SAXO1: variants seen among roughly 807,000 people sequenced by gnomAD.
SAXO1 encodes stabilizer of axonemal microtubules 1.
SAXO1 carries 21 observed loss-of-function variants against 17.5 expected under a neutral mutation model. The observed-to-expected ratio is 1.20, with a 90% CI of 0.85 to 1.72. The LOEUF (loss-of-function observed/expected upper bound fraction) is 1.72. Among genes scored for constraint, SAXO1 ranks in the 40% most tolerant of loss-of-function variants. SAXO1 has a pLI of 0.00. For synonymous variants in SAXO1, 274 were observed against 216.5 expected (o/e 1.27, Z -2.33); for missense variants, 843 against 596.0 (o/e 1.41, Z -4.32).
At chr9:19,023,672 ATATCT>A (rs533355859) in intron 1 of SAXO1, among the ~76,000 whole-genome samples, 93 of 152,330 alleles carry the variant, frequency 6.1e-4, no homozygotes, top group Admixed American at 2.0e-3. Context: ...TGGAGATAAT[ATATCT>A]TTAAGGAAAT....
intron 1 of SAXO1, among the ~76,000 whole-genome samples, chr9:18,980,045 G>T (rs1162023699): frequency 6.6e-6 from 1 of 151,872 alleles, no homozygotes; most frequent in Non-Finnish European, 1.5e-5. Context: ...GGGGTGTTTA[G>T]AAAAGGGAGT....
chr9:19,020,337 C>T (rs1023511931), intron 1 of SAXO1, among the ~76,000 whole-genome samples: 2 of 139,396 alleles, frequency 1.4e-5, no homozygotes, highest in African/African-American at 5.0e-5. Context: ...TTCAGCCTGT[C>T]GAAATAATTT....
At chr9:18,957,731 G>T (rs1197080758) in intron 1 of SAXO1, among the ~76,000 whole-genome samples, 3 of 152,026 alleles carry the variant, frequency 2.0e-5, no homozygotes, top group Non-Finnish European at 2.9e-5. Context: ...GATACTACAG[G>T]CAAGGCCTTC....
chr9:19,020,296 G>C (rs1169556203), intron 1 of SAXO1, among the ~76,000 whole-genome samples: 1 of 151,844 alleles, frequency 6.6e-6, no homozygotes, highest in Non-Finnish European at 1.5e-5. Flanking sequence ...GCTTACTCTT[G>C]CTAAGTTCCA....
At chr9:18,975,625 G>C (rs1227099345) in intron 1 of SAXO1, among the ~76,000 whole-genome samples, 1 of 152,216 alleles carries the variant, frequency 6.6e-6, no homozygotes. Flanking sequence ...ATAGTGACTA[G>C]TGAGAAGGCC....
chr9:18,951,925 G>A (rs1025219286), intron 1 of SAXO1, among the ~76,000 whole-genome samples: 2 of 152,216 alleles, frequency 1.3e-5, no homozygotes, highest in Non-Finnish European at 2.9e-5. Context: ...TTTATTGAAT[G>A]AAAGACTGAG....
intron 1 of SAXO1, among the ~76,000 whole-genome samples, chr9:19,011,989 G>C: frequency 6.6e-6 from 1 of 151,914 alleles, no homozygotes; most frequent in East Asian, 1.9e-4. Flanking sequence ...GGGACTACAG[G>C]CGCAGGTCAC....
At chr9:18,955,506 C>T (rs543708707) in intron 1 of SAXO1, among the ~76,000 whole-genome samples, 49 of 152,112 alleles carry the variant, frequency 3.2e-4, no homozygotes, top group Non-Finnish European at 5.7e-4. Context: ...CACTTGGGTA[C>T]TGGAAGTTTA....
At chr9:18,962,464 T>C (rs1284420727) in intron 1 of SAXO1, among the ~76,000 whole-genome samples, 1 of 152,210 alleles carries the variant, frequency 6.6e-6, no homozygotes, top group Non-Finnish European at 1.5e-5. Context: ...AAGTGTCTGT[T>C]CACATCATTC....
intron 3 of SAXO1, among the ~76,000 whole-genome samples, chr9:18,940,190 TGTC>T (rs1021037612): frequency 6.6e-6 from 1 of 152,114 alleles, no homozygotes; most frequent in Non-Finnish European, 1.5e-5. Flanking sequence ...GGCCAAGGAC[TGTC>T]GTGGTGGGAG....
At chr9:19,015,934 A>C (rs1341532971) in intron 1 of SAXO1, among the ~76,000 whole-genome samples, 1 of 152,148 alleles carries the variant, frequency 6.6e-6, no homozygotes, top group Non-Finnish European at 1.5e-5. Flanking sequence ...AGACCCACAG[A>C]ATTAAAGTGT....
chr9:19,015,502 C>T (rs1468140268), intron 1 of SAXO1, among the ~76,000 whole-genome samples: 2 of 152,118 alleles, frequency 1.3e-5, no homozygotes, highest in East Asian at 3.9e-4. Flanking sequence ...TACCACCACG[C>T]CCGGCTAATT....
At chr9:19,047,979 C>T (rs1458550732) in intron 1 of SAXO1, among the ~76,000 whole-genome samples, 1 of 152,140 alleles carries the variant, frequency 6.6e-6, no homozygotes, top group Non-Finnish European at 1.5e-5. Context: ...GGAGATGAAA[C>T]TGAATACATT....
At chr9:18,980,531 G>GGGA (rs1554675117) in intron 1 of SAXO1, among the ~76,000 whole-genome samples, 48,985 of 93,106 alleles carry the variant, frequency 0.53, 12,603 homozygotes, top group Non-Finnish European at 0.58. Context: ...GTAGTGGCGG[G>GGGA]GGGAGGGAGG....
chr9:18,959,517 T>C (rs895951971), intron 1 of SAXO1, among the ~76,000 whole-genome samples: 4 of 152,106 alleles, frequency 2.6e-5, no homozygotes, highest in African/African-American at 9.7e-5. Context: ...ATGCCTGTAA[T>C]CCCAGCACTA....
At chr9:18,977,115 G>A (rs187282366) in intron 1 of SAXO1, among the ~76,000 whole-genome samples, 2 of 152,272 alleles carry the variant, frequency 1.3e-5, no homozygotes, top group East Asian at 1.9e-4. Flanking sequence ...ATGGAATCCC[G>A]CTGTGGTTGC....
chr9:19,037,268 G>A (rs564412022), upstream of SAXO1, among the ~76,000 whole-genome samples: 8 of 152,172 alleles, frequency 5.3e-5, no homozygotes, highest in Admixed American at 2.6e-4. Context: ...GGTTAATGCC[G>A]AAATGACTTA....
At chr9:19,048,069 T>C (rs1836264002) in intron 1 of SAXO1, among the ~76,000 whole-genome samples, 1 of 152,370 alleles carries the variant, frequency 6.6e-6, no homozygotes, top group Admixed American at 6.5e-5. Context: ...AAGGCCATTT[T>C]TGAACTTCTT....
intron 1 of SAXO1, among the ~76,000 whole-genome samples, chr9:18,991,161 G>A (rs1218748949): frequency 6.6e-6 from 1 of 152,142 alleles, no homozygotes; most frequent in Non-Finnish European, 1.5e-5. Context: ...GAGAGGCTGA[G>A]CCATGAGAAT....
Sources: gnomAD v4.1 joint callset for allele counts (sites outside exome capture counted in the v4.1 genomes callset) on GRCh38, gnomAD v4.1.1 for gene constraint, MANE v1.5 for transcripts, NCBI Gene and HGNC (gene_info 2026-07-23, HGNC 2026-07-21) for gene names.